The following TPM4 variants were observed in gnomAD, a reference collection of about 807,000 sequenced individuals.
The protein encoded by TPM4 is tropomyosin 4.
In TPM4, 17 loss-of-function variants were observed where a neutral mutation model predicts 35.8. That is an observed-to-expected ratio of 0.47 (90% confidence interval 0.32 to 0.71). The LOEUF is 0.71. TPM4 is among the 30% of genes least tolerant of loss of function. TPM4 has a pLI of 0.03. For missense variants in TPM4, 240 were observed against 320.9 expected, an observed-to-expected ratio of 0.75 and a Z score of 1.93; for synonymous variants, 120 against 122.9, an observed-to-expected ratio of 0.98 and a Z score of 0.15.
intron 7 of TPM4, among the ~76,000 whole-genome samples, chr19:16,099,070 CTG>C (rs3222768): frequency 0.08 from 8,763 of 109,486 alleles, 492 homozygotes; most frequent in African/African-American, 0.23. Context: ...TCACTTGACT[CTG>C]TGTGTGTGTG....
Position 16,093,825 on chromosome 19 carries a change from G to A in TPM4, c.664+72G>A. ...TGGGACACATCCACGGACAGTTGGG[G>A]AATGTTTGTGGAGGGGCTGGGTTGG... is the stretch of plus-strand genomic sequence containing the variant. On this transcript the variant is annotated intron_variant, in intron 7 of 7. Transcript: ENST00000643579. 6.4e-6 allele frequency: 10 copies of A among 1,566,504 alleles called. 1 individual carries two copies. Among genetic ancestry groups the A allele is most frequent in the Non-Finnish European group, 7.0e-6 (8 of 1,140,886 alleles).
At chr19:16,095,078 C>T (rs888885079) in intron 7 of TPM4, among the ~76,000 whole-genome samples, 3 of 152,184 alleles carry the variant, frequency 2.0e-5, no homozygotes, top group African/African-American at 4.8e-5. Context: ...ACTTAGAGAT[C>T]AACTCCATAG....
chr19:16,077,667 TAAG>T (rs1009247300), intron 1 of TPM4, among the ~76,000 whole-genome samples: 1 of 151,570 alleles, frequency 6.6e-6, no homozygotes, highest in Non-Finnish European at 1.5e-5. Flanking sequence ...GTAGGACTGA[TAAG>T]AATCCCGACC....
At chr19:16,068,587 A>G (rs1298806427) in intron 2 of TPM4, among the ~76,000 whole-genome samples, 1 of 151,740 alleles carries the variant, frequency 6.6e-6, no homozygotes, top group Non-Finnish European at 1.5e-5. Flanking sequence ...TGTATTGTGT[A>G]TGTTTGAGCG....
At chr19:16,101,194 CT>C (rs1006170367) in intron 7 of TPM4, 69 bp from the exon 8 acceptor site, 120 of 1,259,990 alleles carry the variant, frequency 9.5e-5, no homozygotes, top group South Asian at 2.6e-4. Context: ...AAAAACAAAT[CT>C]TTTTTTTTCT....
chr19:16,069,567 G>A (rs370358536), intron 2 of TPM4, among the ~76,000 whole-genome samples: 24 of 9,862 alleles, frequency 2.4e-3, no homozygotes, highest in South Asian at 5.8e-3. Flanking sequence ...TGTTTCTATT[G>A]GTGTGTGTGT....
upstream of TPM4, among the ~76,000 whole-genome samples, chr19:16,072,292 G>A (rs1333878848): frequency 2.0e-5 from 3 of 152,218 alleles, no homozygotes; most frequent in African/African-American, 4.8e-5. Flanking sequence ...AATACCTCCA[G>A]CTCAGAGGTC....
chr19:16,099,370 G>A (rs1157176652), intron 7 of TPM4, among the ~76,000 whole-genome samples: 1 of 150,476 alleles, frequency 6.6e-6, no homozygotes, highest in Non-Finnish European at 1.5e-5. Context: ...GGCCGAGGTG[G>A]GTGGATTGCA....
At chr19:16,072,309 G>A (rs537794025), upstream of TPM4, among the ~76,000 whole-genome samples, 6 of 152,346 alleles carry the variant, frequency 3.9e-5, no homozygotes, top group East Asian at 1.9e-4. Flanking sequence ...GGTCAGGGCC[G>A]GACCAGAGGG....
In TPM4 at chr19:16,086,457, G is replaced by A; in HGVS notation, c.301G>A (p.Asp101Asn). Residue 101 changes from aspartate to asparagine, a missense_variant, in exon 3 of 8, where the codon GAT becomes AAT. By Grantham distance (23) the Asp-to-Asn change is conservative. Coordinates refer to ENST00000643579, the MANE Select transcript of TPM4 (RefSeq NM_003290.3). ...MKVIENRAMK[D>N]EEKMEIQEMQ... ...GGTGATAGAAAACCGGGCCATGAAG[G>A]ATGAGGAGAAGATGGAGATTCAGGA... The A allele has an allele frequency of 1.2e-6, 2 of 1,613,742 alleles. No individual in the cohort carries two copies. The highest frequency in any genetic ancestry group is 1.7e-6 in the Non-Finnish European group (2 of 1,179,960).
rs150699706 is a variant in TPM4, at chr19:16,068,996, T to C, written c.114+1258T>C. ...GTGTGTTTGTGAGCCTGTGTGTAGA[T>C]GGTGGGGGTCTGTGAGGGTAGCGGG... On this transcript the variant is annotated intron_variant, in intron 2 of 2. Transcript: ENST00000589897. Among the ~76,000 whole-genome samples the C allele has an allele frequency of 8.5e-5, 13 of 152,076 alleles. 1 individual carries two copies. The East Asian group carries it at 2.5e-3, about 29-fold the overall frequency.
At chr19:16,088,240 T>G in intron 4 of TPM4, 143 bp downstream of exon 4, 1 of 1,428,530 alleles carries the variant, frequency 7.0e-7, no homozygotes, top group Non-Finnish European at 9.4e-7. Context: ...ATCTTTTCTC[T>G]TGGCTTCTGT....
Position 16,086,410 on chromosome 19 carries a change from T to C in TPM4, c.267-13T>C, listed in dbSNP as rs941507318. On this transcript the variant is annotated splice_polypyrimidine_tract_variant and intron_variant, in intron 2 of 7. Coordinates refer to ENST00000643579, the MANE Select transcript of TPM4 (RefSeq NM_003290.3). ...TGAGTGAACGGCCGTCCTGATGAGA[T>C]TGCTCCTTGCAGAGGAATGAAGGTG... 3 of 1,610,736 alleles carry C rather than the reference T, an allele frequency of 1.9e-6. No individual in the cohort carries two copies. In the South Asian group the frequency reaches 3.3e-5, roughly 18 times the overall value.
At chr19:16,075,350 C>T (rs1234202189), upstream of TPM4, 1 of 152,032 alleles carries the variant, frequency 6.6e-6, no homozygotes, top group African/African-American at 2.4e-5. Context: ...AAGTAGGGGA[C>T]ATTTTTATTA....
In TPM4 at chr19:16,093,932, G is replaced by A. The variant is rs1005147005; in HGVS notation, c.664+179G>A. Among the ~76,000 whole-genome samples, 5 of 149,738 alleles carry A rather than the reference G, an allele frequency of 3.3e-5. No individual in the cohort carries two copies. The South Asian group carries it at 8.5e-4, about 25-fold the overall frequency. ...GAACACTGGAATAGGATAATGCAAA[G>A]CATTCAGGCTTGAATGGCCCTTTTT... On this transcript the variant is annotated intron_variant, in intron 7 of 7. Transcript: ENST00000643579.
intron 4 of TPM4, chr19:16,088,471 T>C: frequency 1.9e-6 from 2 of 1,072,814 alleles, no homozygotes; most frequent in Non-Finnish European, 2.3e-6. Flanking sequence ...TAAATGCTTT[T>C]GCTCCTGTCA....
chr19:16,082,075 C>A lies in TPM4; in HGVS notation c.266+29C>A. 2.5e-6 allele frequency: 4 copies of A among 1,581,192 alleles called. No homozygotes were observed. The South Asian group carries it at 3.3e-5, about 13-fold the overall frequency. ...AGGACGCTTTGAATCTGGTGGCATC[C>A]GTGTTTGCTTTTAGAAAATGGGGAT... On this transcript the variant is annotated intron_variant, in intron 2 of 7. Transcript: ENST00000643579.
At chr19:16,071,702 G>A (rs757320956), upstream of TPM4, among the ~76,000 whole-genome samples, 2 of 152,214 alleles carry the variant, frequency 1.3e-5, no homozygotes, top group African/African-American at 4.8e-5. Flanking sequence ...CGCTGCAGGA[G>A]GCCAGAGAGA....
rs1568295093 is a variant in TPM4 at position 16,067,837 on chromosome 19, G to C, written c.114+99G>C. The C allele has an allele frequency of 3.8e-6, 4 of 1,059,976 alleles. No homozygotes were observed. The East Asian group carries it at 1.1e-4, about 29-fold the overall frequency. 65.7% of individuals were successfully genotyped at this position (1,059,976 alleles called of 1,614,324 possible). A position where few individuals can be genotyped will look rare whatever the true frequency, so the allele number is the denominator to read the frequency against. ...CAGTTGGGGGTCGCAGACACCTGCG[G>C]GAGGATAGGAGGCTGATGCTTTGGC... On this transcript the variant is annotated intron_variant, in intron 2 of 2. Transcript: ENST00000589897. The surrounding 1 kb of genome is among the most constrained non-coding windows in gnomAD (Gnocchi z 4.1).
Sources: allele counts gnomAD v4.1 joint callset (sites outside exome capture counted in the v4.1 genomes callset), GRCh38; gene constraint gnomAD v4.1.1; non-coding constraint Gnocchi (gnomAD v3.1); transcripts MANE v1.5; gene names NCBI Gene and HGNC (gene_info 2026-07-23, HGNC 2026-07-21).